Variants in HERC1 observed in about 807,000 individuals in gnomAD.
The protein encoded by HERC1 is HECT and RLD domain containing E3 ubiquitin protein ligase family member 1.
A neutral mutation model predicts 554.3 loss-of-function variants in HERC1; 160 were observed. The observed-to-expected ratio is 0.29, with a 90% CI of 0.25 to 0.33. The LOEUF (loss-of-function observed/expected upper bound fraction) is 0.33, where lower values mean the gene tolerates loss of function less well. Among genes scored for constraint, HERC1 ranks in the 10% least tolerant of loss-of-function variants. The pLI is 1.00. For synonymous variants in HERC1, 2,175 were observed against 2,131.7 expected (o/e 1.02, Z -0.56); for missense variants, 4,919 against 5,918.5 (o/e 0.83, Z 5.54).
chr15:63,772,491 A>C (rs759992049), intron 2 of HERC1, among the ~76,000 whole-genome samples: 3 of 151,010 alleles, frequency 2.0e-5, no homozygotes, highest in African/African-American at 7.3e-5. Context: ...CCATAAATAC[A>C]TTATTTTATT....
chr15:63,716,251 T>C (rs1211046093), intron 22 of HERC1, 51 bp downstream of exon 22: 21 of 1,518,008 alleles, frequency 1.4e-5, no homozygotes, highest in African/African-American at 2.8e-5. Context: ...AGTTCCCCTA[T>C]CAAAAAGCAT....
intron 1 of HERC1, among the ~76,000 whole-genome samples, chr15:63,799,496 C>A (rs2076912876): frequency 6.7e-6 from 1 of 150,136 alleles, no homozygotes; most frequent in Non-Finnish European, 1.5e-5. Context: ...CAAGACTCTG[C>A]CTCTAAAAAA....
Position 63,775,771 on chromosome 15 carries a change from C to T in HERC1, c.-26-122G>A, listed in dbSNP as rs1231357861. ...GGTGAAATGCAGCCGGGTGCGGTGG[C>T]TCACGCCTGTAATCCCAACACTTTG... On this transcript the variant is annotated intron_variant, in intron 1 of 77. Coordinates refer to ENST00000443617, the MANE Select transcript of HERC1 (RefSeq NM_003922.4). The surrounding 1 kb of genome is among the most constrained non-coding windows in gnomAD (Gnocchi z 4.0). The T allele has an allele frequency of 2.9e-6, 2 of 697,456 alleles. No homozygotes were observed. Among genetic ancestry groups the T allele is most frequent in the Non-Finnish European group, 4.6e-6 (2 of 430,140 alleles). The allele number at this position is 697,456 out of a possible 1,614,324, so 43.2% of individuals were successfully genotyped here.
At chr15:63,770,955 G>A (rs903087352) in intron 2 of HERC1, among the ~76,000 whole-genome samples, 7 of 152,274 alleles carry the variant, frequency 4.6e-5, no homozygotes, top group Middle Eastern at 6.8e-3. Flanking sequence ...GTGGGAGGCC[G>A]AGGCAGGTAG....
At chr15:63,744,146 GTGTGTGTGTGTGTGTGTGTC>G (rs2074950703) in intron 12 of HERC1, among the ~76,000 whole-genome samples, 3 of 41,904 alleles carry the variant, frequency 7.2e-5, no homozygotes, top group African/African-American at 1.4e-4. Flanking sequence ...GTGTGTGTGT[GTGTGTGTGTGTGTGTGTGTC>G]TCTCTCTCTC....
At position 63,661,871 on chromosome 15, in the gene HERC1, C is replaced by A; in HGVS notation, c.9052G>T (p.Val3018Leu). The change falls in exon 45 of 78, where the codon GTG becomes TTG. Residue 3018 changes from valine to leucine, a missense_variant. Physicochemically the swap from Val to Leu is conservative, Grantham distance 32. Coordinates refer to ENST00000443617, the MANE Select transcript of HERC1 (RefSeq NM_003922.4). ...RQGYRSNGSY[V>L]DGWFGGECGS... ...CATTCACCGCCAAACCAGCCATCCACATAGGAACCATTGCTGCGATAGCCC... is the reference window on the plus strand; with the variant it reads ...CATTCACCGCCAAACCAGCCATCCAAATAGGAACCATTGCTGCGATAGCCC... The A allele has an allele frequency of 1.2e-6, 2 of 1,613,998 alleles. No individual in the cohort carries two copies. The highest frequency in any genetic ancestry group is 1.7e-6 in the Non-Finnish European group (2 of 1,179,886).
chr15:63,678,850 ACT>A (rs1427623764), intron 36 of HERC1, among the ~76,000 whole-genome samples: 1 of 152,150 alleles, frequency 6.6e-6, no homozygotes, highest in African/African-American at 2.4e-5. Context: ...TCAAATCATA[ACT>A]CTGTATAATC....
At chr15:63,769,671 T>C (rs1469611196) in intron 2 of HERC1, among the ~76,000 whole-genome samples, 4 of 151,864 alleles carry the variant, frequency 2.6e-5, no homozygotes, top group African/African-American at 9.7e-5. Context: ...CTGGCCAACA[T>C]GGTGAAGCCC....
intron 1 of HERC1, among the ~76,000 whole-genome samples, chr15:63,792,466 T>A (rs2076681011): frequency 6.6e-6 from 1 of 152,154 alleles, no homozygotes; most frequent in Non-Finnish European, 1.5e-5. Flanking sequence ...TACAACCCTA[T>A]CAGCAAAGCA....
chr15:63,762,774 G>C (rs1335535865), intron 3 of HERC1, among the ~76,000 whole-genome samples: 1 of 152,212 alleles, frequency 6.6e-6, no homozygotes, highest in Non-Finnish European at 1.5e-5. Flanking sequence ...AGAGTAATCA[G>C]TCAATAAGGG....
intron 33 of HERC1, among the ~76,000 whole-genome samples, chr15:63,688,386 G>A (rs908015752): frequency 9.2e-5 from 14 of 152,288 alleles, no homozygotes; most frequent in African/African-American, 3.1e-4. Context: ...TACTGAGTAT[G>A]AGATGCCTAT....
At chr15:63,628,626 G>A (rs371487997) in intron 70 of HERC1, 51 bp downstream of exon 70, 1 of 1,548,768 alleles carries the variant, frequency 6.5e-7, no homozygotes, top group South Asian at 1.2e-5. Flanking sequence ...AGTGCCATGG[G>A]GTACTGCTAA....
At chr15:63,633,643 T>A (rs1428008352) in intron 67 of HERC1, among the ~76,000 whole-genome samples, 2 of 152,218 alleles carry the variant, frequency 1.3e-5, no homozygotes, top group Non-Finnish European at 2.9e-5. Flanking sequence ...TTGCAGAATT[T>A]TAAATCCAGT....
chr15:63,725,413 A>G lies in HERC1; in HGVS notation c.3447T>C (p.Ile1149=), dbSNP rs1255354624. 1.2e-6 allele frequency: 2 copies of G among 1,613,814 alleles called. No individual in the cohort carries two copies. Among genetic ancestry groups the G allele is most frequent in the African/African-American group, 2.7e-5 (2 of 74,890 alleles). The stretch of plus-strand genomic sequence containing the variant: ...GAAGCATGCCACCAAGACACCGCCC[A>G]ATAAGGAGAGCAATTGTTCTTTCTA... ...VDLERTIALL[I]GRCLGGMLQG... Residue 1149 remains isoleucine (I), a synonymous_variant, in exon 18 of 78, where the codon ATT becomes ATC. Coordinates refer to ENST00000443617, the MANE Select transcript of HERC1 (RefSeq NM_003922.4).
intron 61 of HERC1, among the ~76,000 whole-genome samples, chr15:63,639,451 C>A (rs944367001): frequency 6.6e-6 from 1 of 152,120 alleles, no homozygotes; most frequent in Non-Finnish European, 1.5e-5. Context: ...GTACTATACA[C>A]TCTATGATAT....
At chr15:63,659,325 C>A (rs1404582642) in intron 47 of HERC1, among the ~76,000 whole-genome samples, 1 of 152,162 alleles carries the variant, frequency 6.6e-6, no homozygotes, top group African/African-American at 2.4e-5. Flanking sequence ...AATCATCACT[C>A]ACCATAACCT....
At chr15:63,746,242 C>T (rs1406679232) in intron 12 of HERC1, among the ~76,000 whole-genome samples, 1 of 151,976 alleles carries the variant, frequency 6.6e-6, no homozygotes. Flanking sequence ...TTTCATTAAT[C>T]TTAAGTATTA....
chr15:63,780,936 A>G (rs530817856), intron 1 of HERC1, among the ~76,000 whole-genome samples: 2 of 152,234 alleles, frequency 1.3e-5, no homozygotes, highest in Non-Finnish European at 2.9e-5. Context: ...ATAACTATAA[A>G]TCTAATAAGT....
At chr15:63,705,739 A>G (rs944416109) in intron 25 of HERC1, among the ~76,000 whole-genome samples, 2 of 152,216 alleles carry the variant, frequency 1.3e-5, no homozygotes, top group Admixed American at 6.5e-5. Flanking sequence ...AATAAAAAAT[A>G]CGTTAGGGTA....
Sources: allele counts gnomAD v4.1 joint callset (sites outside exome capture counted in the v4.1 genomes callset), GRCh38; gene constraint gnomAD v4.1.1; non-coding constraint Gnocchi (gnomAD v3.1); transcripts MANE v1.5; gene names NCBI Gene and HGNC (gene_info 2026-07-23, HGNC 2026-07-21).